PDE4D: variants seen among roughly 807,000 people sequenced by gnomAD.
PDE4D encodes the protein 3',5'-cyclic-AMP phosphodiesterase 4D.
PDE4D carries 24 observed loss-of-function variants against 87.4 expected under a neutral mutation model. The ratio of observed to expected loss-of-function variants is 0.27; its 90% confidence interval spans 0.20 to 0.39. PDE4D has a LOEUF of 0.39. Ranked by LOEUF, PDE4D falls within the 10% of genes least tolerant of loss-of-function variation. The pLI, the probability that PDE4D is intolerant of heterozygous loss-of-function variation, is 1.00. For missense variants in PDE4D, 714 were observed against 1,041.0 expected, an observed-to-expected ratio of 0.69 and a Z score of 4.32; for synonymous variants, 384 against 383.2, an observed-to-expected ratio of 1.00 and a Z score of -0.02.
At chr5:59,730,042 C>T (rs1757158215) in intron 1 of PDE4D, among the ~76,000 whole-genome samples, 1 of 152,064 alleles carries the variant, frequency 6.6e-6, no homozygotes, top group African/African-American at 2.4e-5. Context: ...CAGGTAAAGG[C>T]ACTCAACAGA....
chr5:59,586,568 AG>A, intron 1 of PDE4D: 1 of 1,380,480 alleles, frequency 7.2e-7, no homozygotes, highest in South Asian at 1.8e-5. Context: ...AAGGCCTTCC[AG>A]GATTTGAAAA....
At chr5:59,818,728 C>T (rs1272926831) in intron 1 of PDE4D, among the ~76,000 whole-genome samples, 2 of 152,094 alleles carry the variant, frequency 1.3e-5, no homozygotes, top group Non-Finnish European at 2.9e-5. Context: ...TGAACTAGAA[C>T]ACTCATGGAA....
intron 1 of PDE4D, among the ~76,000 whole-genome samples, chr5:59,336,375 G>T (rs1379983345): frequency 6.6e-6 from 1 of 152,122 alleles, no homozygotes; most frequent in African/African-American, 2.4e-5. Flanking sequence ...GCTATTTTTG[G>T]ATTGTTTCCC....
At chr5:58,989,986 T>TC (rs1747489007) in intron 9 of PDE4D, 67 bp from the exon 10 acceptor site, 3 of 661,194 alleles carry the variant, frequency 4.5e-6, no homozygotes, top group East Asian at 6.6e-5. Context: ...AGAGTATGTT[T>TC]AAAAAAAAAA....
intron 2 of PDE4D, among the ~76,000 whole-genome samples, chr5:60,108,830 C>T (rs1281273867): frequency 6.6e-6 from 1 of 151,994 alleles, no homozygotes; most frequent in Non-Finnish European, 1.5e-5. Flanking sequence ...AAACTGGATC[C>T]CTTCCTTACA....
chr5:60,049,235 C>T (rs1582378164), intron 2 of PDE4D, among the ~76,000 whole-genome samples: 1 of 152,280 alleles, frequency 6.6e-6, no homozygotes, highest in East Asian at 1.9e-4. Flanking sequence ...TTAAGCACTT[C>T]TCTGTATTGG....
chr5:59,830,236 G>T (rs1740974731), intron 1 of PDE4D, among the ~76,000 whole-genome samples: 1 of 152,062 alleles, frequency 6.6e-6, no homozygotes. Context: ...AGGCTCCCTT[G>T]CTAGTGTTCC....
chr5:59,595,347 A>G (rs1159309689), intron 1 of PDE4D, among the ~76,000 whole-genome samples: 1 of 152,210 alleles, frequency 6.6e-6, no homozygotes, highest in Non-Finnish European at 1.5e-5. Flanking sequence ...AAACCATGCA[A>G]GTTCAACATG....
intron 1 of PDE4D, among the ~76,000 whole-genome samples, chr5:60,418,693 A>G (rs1481918014): frequency 6.6e-6 from 1 of 152,212 alleles, no homozygotes; most frequent in Admixed American, 6.5e-5. Context: ...TAGAGAATGG[A>G]GTATCCATTC....
At chr5:59,706,408 C>T (rs1753415732) in intron 1 of PDE4D, among the ~76,000 whole-genome samples, 1 of 152,096 alleles carries the variant, frequency 6.6e-6, no homozygotes. Flanking sequence ...CACCACAGAC[C>T]TACCTTCTTG....
chr5:60,454,323 C>T (rs1335338807), intron 1 of PDE4D, among the ~76,000 whole-genome samples: 1 of 152,106 alleles, frequency 6.6e-6, no homozygotes, highest in Non-Finnish European at 1.5e-5. Context: ...GATTATAAAT[C>T]ATTCTATTAT....
chr5:59,270,296 T>C (rs1411284679), intron 1 of PDE4D, among the ~76,000 whole-genome samples: 1 of 152,130 alleles, frequency 6.6e-6, no homozygotes, highest in Non-Finnish European at 1.5e-5. Context: ...GCAGAAAATA[T>C]GAGAATTCCA....
intron 1 of PDE4D, among the ~76,000 whole-genome samples, chr5:60,380,262 G>T (rs543019048): frequency 6.6e-6 from 1 of 152,304 alleles, no homozygotes; most frequent in South Asian, 2.1e-4. Flanking sequence ...TGGCCTCTCT[G>T]CTTCCAGCCT....
intron 1 of PDE4D, among the ~76,000 whole-genome samples, chr5:59,512,283 T>G (rs1562311331): frequency 1.3e-5 from 2 of 152,174 alleles, no homozygotes; most frequent in African/African-American, 4.8e-5. Context: ...CCAAGTGACA[T>G]GAAGATATTT....
At chr5:60,233,196 TAC>T (rs146827902) in intron 1 of PDE4D, among the ~76,000 whole-genome samples, 17,407 of 146,948 alleles carry the variant, frequency 0.12, 1,040 homozygotes, top group African/African-American at 0.15. Flanking sequence ...CACACACACA[TAC>T]ACACACACAC....
At chr5:59,582,612 T>C (rs1402141124) in intron 1 of PDE4D, among the ~76,000 whole-genome samples, 1 of 152,194 alleles carries the variant, frequency 6.6e-6, no homozygotes, top group Admixed American at 6.5e-5. Context: ...CAAAACAGAA[T>C]AAAACAGTAT....
chr5:60,466,911 G>T, intron 1 of PDE4D, among the ~76,000 whole-genome samples: 1 of 140,428 alleles, frequency 7.1e-6, no homozygotes, highest in African/African-American at 2.7e-5. Flanking sequence ...ATAGGCCCTT[G>T]TCATGGAAAA....
At chr5:59,718,600 G>A (rs1455311121) in intron 1 of PDE4D, among the ~76,000 whole-genome samples, 1 of 152,084 alleles carries the variant, frequency 6.6e-6, no homozygotes, top group Admixed American at 6.6e-5. Flanking sequence ...CCTCATAAAA[G>A]GAAGATTCTT....
At chr5:59,277,392 T>C (rs1197456096) in intron 1 of PDE4D, among the ~76,000 whole-genome samples, 1 of 152,204 alleles carries the variant, frequency 6.6e-6, no homozygotes, top group Non-Finnish European at 1.5e-5. Flanking sequence ...GTCCCATGTC[T>C]AGTATATTGC....
Sources: gnomAD v4.1 joint callset for allele counts (sites outside exome capture counted in the v4.1 genomes callset) on GRCh38, gnomAD v4.1.1 for gene constraint, MANE v1.5 for transcripts, NCBI Gene and HGNC (gene_info 2026-07-23, HGNC 2026-07-21) for gene names.